ST8SIA6: variants seen among roughly 807,000 people sequenced by gnomAD.
ST8SIA6 encodes the protein alpha-2,8-sialyltransferase 8F.
In ST8SIA6, 39 loss-of-function variants were observed where a neutral mutation model predicts 33.6. That is an observed-to-expected ratio of 1.16 (90% CI 0.90 to 1.52). The LOEUF (loss-of-function observed/expected upper bound fraction) is 1.52, where lower values mean the gene tolerates loss of function less well. Among genes scored for constraint, ST8SIA6 ranks in the 40% most tolerant of loss-of-function variants. The probability of loss-of-function intolerance (pLI) is 0.00; values close to 1 mark genes in which losing one functional copy is unlikely to be tolerated. For missense variants in ST8SIA6, 441 were observed against 443.8 expected (o/e 0.99, Z 0.06); for synonymous variants, 172 against 167.2 (o/e 1.03, Z -0.22).
chr10:17,333,672 GATATATATAT>G (rs1165578414), intron 4 of ST8SIA6, among the ~76,000 whole-genome samples: 39 of 35,212 alleles, frequency 1.1e-3, no homozygotes, highest in African/African-American at 2.8e-3. Flanking sequence ...ATGGTGCTGG[GATATATATAT>G]ATATATATAT....
At chr10:17,386,856 G>A (rs948541866) in intron 3 of ST8SIA6, 1 of 152,364 alleles carries the variant, frequency 6.6e-6, no homozygotes, top group African/African-American at 2.4e-5. Context: ...TGGGTCTTCA[G>A]AACAGCTCTC....
intron 2 of ST8SIA6, among the ~76,000 whole-genome samples, chr10:17,438,231 A>T (rs1852353161): frequency 6.6e-6 from 1 of 152,140 alleles, no homozygotes; most frequent in Non-Finnish European, 1.5e-5. Context: ...CCCACTGGAG[A>T]AGAGTTATCA....
At chr10:17,373,142 C>T (rs1443494173) in intron 3 of ST8SIA6, among the ~76,000 whole-genome samples, 2 of 152,162 alleles carry the variant, frequency 1.3e-5, no homozygotes, top group Non-Finnish European at 2.9e-5. Flanking sequence ...ACCCAGATAA[C>T]CTCACCTCTG....
At chr10:17,434,685 TG>T (rs759748961) in intron 2 of ST8SIA6, among the ~76,000 whole-genome samples, 13 of 152,150 alleles carry the variant, frequency 8.5e-5, no homozygotes, top group Non-Finnish European at 1.9e-4. Flanking sequence ...AAATACAGCC[TG>T]TACGCAGCAG....
chr10:17,319,766 CA>C lies in ST8SIA6; in HGVS notation c.*1111del, dbSNP rs1202564792. 1.3e-5 allele frequency: 2 copies of C among 152,056 alleles called. No individual in the cohort carries two copies. Among genetic ancestry groups the C allele is most frequent in the Non-Finnish European group, 2.9e-5 (2 of 67,968 alleles). 9.4% of individuals were successfully genotyped at this position (152,056 alleles called of 1,614,324 possible). A position where few individuals can be genotyped will look rare whatever the true frequency, so the allele number is the denominator to read the frequency against. On this transcript the variant is annotated 3_prime_UTR_variant, in exon 8 of 8. Transcript: ENST00000377602. ...CCCCACATTGTATATTTAATTATTT[CA>C]GTATATTTTGTTACTTTTACTAATC...
At position 17,315,599 on chromosome 10, in the gene ST8SIA6, C is replaced by T. The variant is rs1429326542; in HGVS notation, c.*5279G>A. Among the ~76,000 whole-genome samples the T allele has an allele frequency of 1.3e-5, 2 of 151,842 alleles. No individual in the cohort carries two copies. The highest frequency in any genetic ancestry group is 2.9e-5 in the Non-Finnish European group (2 of 67,878). ...TGAATGAGTTTTAATATTATTATGT[C>T]GAGCAAAAGTGCAAGACAAGAAATG... On this transcript the variant is annotated 3_prime_UTR_variant, in exon 8 of 8. Transcript: ENST00000377602.
intron 4 of ST8SIA6, among the ~76,000 whole-genome samples, chr10:17,340,583 G>A (rs1027067352): frequency 4.6e-5 from 7 of 152,112 alleles, no homozygotes; most frequent in African/African-American, 1.2e-4. Context: ...GTGTGCTCTC[G>A]CCATTGCTCC....
chr10:17,443,712 C>A (rs1852588325), intron 2 of ST8SIA6, among the ~76,000 whole-genome samples: 1 of 152,162 alleles, frequency 6.6e-6, no homozygotes, highest in African/African-American at 2.4e-5. Context: ...GGCTTTGCTG[C>A]CCTGGACAAG....
intron 3 of ST8SIA6, among the ~76,000 whole-genome samples, chr10:17,363,246 C>T (rs1245720621): frequency 6.6e-6 from 1 of 151,954 alleles, no homozygotes; most frequent in Non-Finnish European, 1.5e-5. Context: ...TTTCTCAATC[C>T]AGTAATCCAA....
At chr10:17,369,788 CT>C (rs1849674046) in intron 3 of ST8SIA6, among the ~76,000 whole-genome samples, 1 of 152,104 alleles carries the variant, frequency 6.6e-6, no homozygotes, top group South Asian at 2.1e-4. Context: ...AAATCTCCTT[CT>C]TTATCTCTTA....
chr10:17,404,694 A>G (rs752834045), intron 2 of ST8SIA6, among the ~76,000 whole-genome samples: 3 of 152,048 alleles, frequency 2.0e-5, no homozygotes, highest in Non-Finnish European at 4.4e-5. Flanking sequence ...GTGATTTTCC[A>G]TCCACTGACC....
chr10:17,382,078 C>G (rs915626659), intron 3 of ST8SIA6, among the ~76,000 whole-genome samples: 2 of 152,050 alleles, frequency 1.3e-5, no homozygotes, highest in African/African-American at 4.8e-5. Flanking sequence ...TAAATCATGA[C>G]TATCACAGTT....
At chr10:17,407,804 G>A (rs568132639) in intron 2 of ST8SIA6, among the ~76,000 whole-genome samples, 48 of 152,212 alleles carry the variant, frequency 3.2e-4, no homozygotes, top group African/African-American at 1.0e-3. Flanking sequence ...TGCCCTGACC[G>A]TCTTTTTCAT....
chr10:17,364,124 A>G (rs993653478), intron 3 of ST8SIA6, among the ~76,000 whole-genome samples: 1 of 152,220 alleles, frequency 6.6e-6, no homozygotes, highest in African/African-American at 2.4e-5. Flanking sequence ...TTGTTTTGCA[A>G]TCATTCTTGC....
At chr10:17,351,149 A>G (rs967974158) in intron 4 of ST8SIA6, among the ~76,000 whole-genome samples, 9 of 152,046 alleles carry the variant, frequency 5.9e-5, no homozygotes, top group Admixed American at 2.6e-4. Flanking sequence ...TTCTCAGTCC[A>G]TGTCTTCATC....
chr10:17,380,338 C>G (rs1265517443), intron 3 of ST8SIA6, among the ~76,000 whole-genome samples: 1 of 152,198 alleles, frequency 6.6e-6, no homozygotes, highest in Admixed American at 6.5e-5. Context: ...TAGTATTTAA[C>G]AACCAGCTGG....
At chr10:17,400,981 A>C (rs1430198810) in intron 2 of ST8SIA6, among the ~76,000 whole-genome samples, 1 of 152,224 alleles carries the variant, frequency 6.6e-6, no homozygotes, top group Non-Finnish European at 1.5e-5. Flanking sequence ...GAAAAGAGGC[A>C]GTCAAATTGT....
At chr10:17,404,424 A>G (rs902586368) in intron 2 of ST8SIA6, among the ~76,000 whole-genome samples, 2 of 152,054 alleles carry the variant, frequency 1.3e-5, no homozygotes, top group African/African-American at 2.4e-5. Flanking sequence ...TTCTGAGTCT[A>G]TGGGAGCTGA....
chr10:17,335,064 G>C (rs929345030), intron 4 of ST8SIA6, among the ~76,000 whole-genome samples: 1 of 152,170 alleles, frequency 6.6e-6, no homozygotes, highest in Non-Finnish European at 1.5e-5. Context: ...TCACGTACTT[G>C]AAAATGGAAA....
Sources: allele counts gnomAD v4.1 joint callset (sites outside exome capture counted in the v4.1 genomes callset), GRCh38; gene constraint gnomAD v4.1.1; transcripts MANE v1.5; gene names NCBI Gene and HGNC (gene_info 2026-07-23, HGNC 2026-07-21).